The following EPS15L1 variants were observed in gnomAD, a reference collection of about 807,000 sequenced individuals.
EPS15L1 encodes epidermal growth factor receptor pathway substrate 15 like 1.
A neutral mutation model predicts 117.1 loss-of-function variants in EPS15L1; 43 were observed. That is an observed-to-expected ratio of 0.37 (90% CI 0.29 to 0.47). The LOEUF (loss-of-function observed/expected upper bound fraction) is 0.47. Among genes scored for constraint, EPS15L1 ranks in the 20% least tolerant of loss-of-function variants. The pLI is 0.99. For missense variants in EPS15L1, 981 were observed against 1,164.0 expected (o/e 0.84, Z 2.29); for synonymous variants, 459 against 470.5 (o/e 0.98, Z 0.32).
intron 6 of EPS15L1, 83 bp from the exon 7 acceptor site, chr19:16,434,573 G>A: frequency 6.8e-7 from 1 of 1,463,760 alleles, no homozygotes; most frequent in Non-Finnish European, 9.3e-7. Context: ...AAAGCCAAGT[G>A]AAAATGGCCA....
intron 1 of EPS15L1, among the ~76,000 whole-genome samples, chr19:16,453,675 T>C (rs2093167837): frequency 6.6e-6 from 1 of 151,530 alleles, no homozygotes; most frequent in African/African-American, 2.4e-5. Flanking sequence ...ATCGAGCCAC[T>C]GCACTCCAGC....
intron 1 of EPS15L1, among the ~76,000 whole-genome samples, chr19:16,461,489 G>C (rs961472755): frequency 5.3e-5 from 8 of 151,830 alleles, no homozygotes; most frequent in African/African-American, 1.5e-4. Flanking sequence ...GGGTGTGGTG[G>C]CATACACGTG....
At chr19:16,394,181 G>C (rs921109886) in intron 17 of EPS15L1, among the ~76,000 whole-genome samples, 180 bp from the exon 18 acceptor site, 8 of 152,172 alleles carry the variant, frequency 5.3e-5, no homozygotes, top group African/African-American at 1.9e-4. Flanking sequence ...AAATCAAAGA[G>C]GGGGACCTGG....
intron 16 of EPS15L1, 147 bp from the exon 17 acceptor site, chr19:16,395,614 GC>G (rs2092531955): frequency 1.2e-6 from 1 of 843,636 alleles, no homozygotes; most frequent in Non-Finnish European, 1.9e-6. Flanking sequence ...GCTGGCCTGG[GC>G]AACATAGCAA....
In EPS15L1 at chr19:16,361,819, G is replaced by A; in HGVS notation, c.2546C>T (p.Pro849Leu). The change falls in exon 23 of 24, where the codon CCT becomes CTT. Residue 849 changes from proline to leucine, a missense_variant. Transcript: ENST00000455140. Reference sequence around the variant, plus strand: ...AAAGCCCGAGGCAGAGGCCTTAGAAGGTTTAGCTGCAGAGGAGGGGACAAA... The same window carrying A: ...AAAGCCCGAGGCAGAGGCCTTAGAAAGTTTAGCTGCAGAGGAGGGGACAAA... ...DPFVPSSAAKPSKASASGFAD... is the reference protein window; with the variant it reads ...DPFVPSSAAKLSKASASGFAD... 1 of 1,613,960 alleles carries A rather than the reference G, an allele frequency of 6.2e-7. No homozygotes were observed. Among genetic ancestry groups the A allele is most frequent in the Non-Finnish European group, 8.5e-7 (1 of 1,179,968 alleles).
chr19:16,444,259 G>C (rs1049532580), intron 1 of EPS15L1, among the ~76,000 whole-genome samples: 2 of 151,562 alleles, frequency 1.3e-5, no homozygotes, highest in East Asian at 3.9e-4. Context: ...AAAAGCCAGA[G>C]ATTTAGGAGC....
chr19:16,377,036 A>G (rs2092305063), intron 22 of EPS15L1, 86 bp downstream of exon 22: 1 of 1,477,314 alleles, frequency 6.8e-7, no homozygotes, highest in Non-Finnish European at 9.1e-7. Flanking sequence ...ATCTGCTGCT[A>G]CTCTGGGCTG....
intron 11 of EPS15L1, 140 bp from the exon 12 acceptor site, chr19:16,417,777 C>G (rs2144923057): frequency 8.5e-7 from 1 of 1,175,790 alleles, no homozygotes; most frequent in Non-Finnish European, 1.2e-6. Flanking sequence ...AGCCCCCTGC[C>G]TGGGGAAATA....
chr19:16,418,200 C>CGAAAACA, intron 10 of EPS15L1, 96 bp from the exon 11 acceptor site: 1 of 1,393,066 alleles, frequency 7.2e-7, no homozygotes, highest in East Asian at 2.3e-5. Flanking sequence ...ACGACAGCGA[C>CGAAAACA]GAAAACAACG....
chr19:16,377,523 C>T (rs2092311404), intron 21 of EPS15L1, among the ~76,000 whole-genome samples: 2 of 152,214 alleles, frequency 1.3e-5, no homozygotes, highest in African/African-American at 4.8e-5. Context: ...GCTTCTAGCA[C>T]CAAGGGCATC....
intron 5 of EPS15L1, among the ~76,000 whole-genome samples, chr19:16,437,398 GTTAGAGAATTCCA>G (rs1344353376): frequency 6.6e-6 from 1 of 152,200 alleles, no homozygotes; most frequent in Non-Finnish European, 1.5e-5. Context: ...AAAAGACCAT[GTTAGAGAATTCCA>G]TTGATAGGAA....
intron 19 of EPS15L1, 27 bp downstream of exon 19, chr19:16,392,277 T>C: frequency 6.2e-7 from 1 of 1,613,470 alleles, no homozygotes; most frequent in Non-Finnish European, 8.5e-7. Context: ...CACGCAGCTC[T>C]CCCGGGCAAC....
intron 13 of EPS15L1, chr19:16,412,848 C>G: frequency 1.8e-6 from 1 of 542,066 alleles, no homozygotes; most frequent in Non-Finnish European, 3.5e-6. Context: ...ACGGAGCTTG[C>G]AGAGGCAAGG....
intron 21 of EPS15L1, among the ~76,000 whole-genome samples, chr19:16,377,564 C>T (rs1484322306): frequency 1.3e-5 from 2 of 152,338 alleles, no homozygotes; most frequent in East Asian, 3.9e-4. Flanking sequence ...TGGGTCTTTC[C>T]TGACTCCAGG....
At position 16,361,858 on chromosome 19, in the gene EPS15L1, C is replaced by T. The variant is rs755256417; in HGVS notation, c.2507G>A (p.Ser836Asn). The T allele has an allele frequency of 1.2e-6, 2 of 1,614,004 alleles. No individual in the cohort carries two copies. The highest frequency in any genetic ancestry group is 1.7e-6 in the Non-Finnish European group (2 of 1,180,036). Residue 836 changes from serine (S) to asparagine (N), a missense_variant, in exon 23 of 24, where the codon AGT becomes AAT. By Grantham distance (46) the Ser-to-Asn change is conservative (BLOSUM62 1). Around this residue, in one of 5 missense-constraint regions of EPS15L1, gnomAD observed 819 missense variants for 949.0 expected, o/e 0.86. Transcript: ENST00000455140. The part of the protein sequence containing the change: ...QSKKGFGDPF[S>N]GKDPFVPSSA... ...GGAGGGGACAAATGGGTCTTTTCCA[C>T]TAAACGGGTCCCCAAACCCCTTTTT...
chr19:16,379,098 T>C (rs1246153607), intron 21 of EPS15L1, among the ~76,000 whole-genome samples: 1 of 151,888 alleles, frequency 6.6e-6, no homozygotes, highest in Non-Finnish European at 1.5e-5. Flanking sequence ...GGTTAGGAGA[T>C]CAAGACCAGC....
chr19:16,393,833 C>T, intron 18 of EPS15L1, 118 bp downstream of exon 18: 1 of 1,052,182 alleles, frequency 9.5e-7, no homozygotes, highest in Non-Finnish European at 1.5e-6. Flanking sequence ...GACGGCCGTC[C>T]TTCCCAGTTA....
rs1414907293 is a variant in EPS15L1 at position 16,404,990 on chromosome 19, G to A, written c.1267-241C>T. 1.3e-5 allele frequency among the ~76,000 whole-genome samples: 2 copies of A among 152,238 alleles called. No individual in the cohort carries two copies. The highest frequency in any genetic ancestry group is 2.9e-5 in the Non-Finnish European group (2 of 68,034). On this transcript the variant is annotated intron_variant, in intron 13 of 23. Transcript: ENST00000455140. This position sits in a 1 kb window ranked among gnomAD's most constrained non-coding sequence, Gnocchi z 4.2. ...TTTCCCGATGGCCTAACAGAGGCCA[G>A]GTGCGAGAGAAGGGGCTGGGTCCCT...
intron 21 of EPS15L1, among the ~76,000 whole-genome samples, chr19:16,382,159 C>G (rs1469407674): frequency 6.6e-6 from 1 of 152,184 alleles, no homozygotes; most frequent in Admixed American, 6.5e-5. Context: ...TTTAAACCCA[C>G]GAGGCCAATT....
Sources: gnomAD v4.1 joint callset for allele counts (sites outside exome capture counted in the v4.1 genomes callset) on GRCh38, gnomAD v4.1.1 for gene constraint, gnomAD v4.1.1 regional missense constraint, Gnocchi (gnomAD v3.1) non-coding constraint, MANE v1.5 for transcripts, NCBI Gene and HGNC (gene_info 2026-07-23, HGNC 2026-07-21) for gene names.